GPATCH2: variants seen among roughly 807,000 people sequenced by gnomAD.
The protein encoded by GPATCH2 is G-patch domain containing 2, also known as G patch domain-containing protein 2.
A neutral mutation model predicts 58.0 loss-of-function variants in GPATCH2; 51 were observed. That is an observed-to-expected ratio of 0.88 (90% CI 0.70 to 1.11). The LOEUF is 1.11. Ranked by LOEUF, GPATCH2 falls within the 50% of genes most tolerant of loss-of-function variation. The pLI, the probability that GPATCH2 is intolerant of heterozygous loss-of-function variation, is 0.00. For synonymous variants in GPATCH2, 222 were observed against 218.5 expected, an observed-to-expected ratio of 1.02 and a Z score of -0.14; for missense variants, 625 against 652.2, an observed-to-expected ratio of 0.96 and a Z score of 0.45.
intron 6 of GPATCH2, among the ~76,000 whole-genome samples, chr1:217,499,413 A>G (rs913424364): frequency 1.3e-5 from 2 of 152,154 alleles, no homozygotes; most frequent in Non-Finnish European, 2.9e-5. Flanking sequence ...CACGCTGCAG[A>G]AGGGCAAGGG....
intron 5 of GPATCH2, among the ~76,000 whole-genome samples, chr1:217,565,114 G>A (rs1666151947): frequency 6.6e-6 from 1 of 152,092 alleles, no homozygotes; most frequent in Admixed American, 6.6e-5. Context: ...TTTGACTAAT[G>A]ATTTATTATT....
At chr1:217,584,344 A>T (rs6679052) in intron 5 of GPATCH2, among the ~76,000 whole-genome samples, 1,161 of 101,800 alleles carry the variant, frequency 0.011, 17 homozygotes, top group African/African-American at 0.025. Flanking sequence ...AAAAAAAAAA[A>T]ATATATATAT....
chr1:217,504,708 A>C (rs982671686), intron 6 of GPATCH2, among the ~76,000 whole-genome samples: 1 of 152,192 alleles, frequency 6.6e-6, no homozygotes, highest in Non-Finnish European at 1.5e-5. Flanking sequence ...GTCTGATTCC[A>C]TATCTTGTAT....
chr1:217,595,181 A>G (rs1478725454), intron 5 of GPATCH2, among the ~76,000 whole-genome samples: 24 of 152,226 alleles, frequency 1.6e-4, no homozygotes, highest in Admixed American at 1.6e-3. Context: ...TATATATGAA[A>G]GGGGCTAATG....
At chr1:217,499,203 C>T (rs944994902) in intron 6 of GPATCH2, among the ~76,000 whole-genome samples, 7 of 152,118 alleles carry the variant, frequency 4.6e-5, no homozygotes, top group Non-Finnish European at 8.8e-5. Flanking sequence ...CCCACGATCA[C>T]AGGGAATGAT....
intron 1 of GPATCH2, among the ~76,000 whole-genome samples, chr1:217,625,879 G>A (rs1009603103): frequency 1.1e-4 from 17 of 152,102 alleles, no homozygotes; most frequent in African/African-American, 4.1e-4. Flanking sequence ...AGCTACCCGG[G>A]AGGCTGAGGC....
chr1:217,494,451 G>T (rs575294318), intron 7 of GPATCH2, among the ~76,000 whole-genome samples: 1 of 152,264 alleles, frequency 6.6e-6, no homozygotes, highest in South Asian at 2.1e-4. Flanking sequence ...CATTTAGAAG[G>T]CTCCTGGCCA....
intron 1 of GPATCH2, among the ~76,000 whole-genome samples, chr1:217,624,694 A>G (rs1200397723): frequency 6.6e-6 from 1 of 152,262 alleles, no homozygotes; most frequent in Non-Finnish European, 1.5e-5. Context: ...ACCTGGAAAT[A>G]TAGCACTTTT....
intron 1 of GPATCH2, among the ~76,000 whole-genome samples, chr1:217,627,675 T>G (rs1297412196): frequency 6.6e-6 from 1 of 152,038 alleles, no homozygotes. Flanking sequence ...TTCTTTCCTC[T>G]TTACCATGGT....
chr1:217,552,612 G>T (rs1023242006), intron 5 of GPATCH2, among the ~76,000 whole-genome samples: 1 of 152,104 alleles, frequency 6.6e-6, no homozygotes, highest in African/African-American at 2.4e-5. Flanking sequence ...TCCAAAAATA[G>T]GTTGAAACTG....
chr1:217,542,822 T>C (rs1488479533), intron 5 of GPATCH2, among the ~76,000 whole-genome samples: 1 of 152,190 alleles, frequency 6.6e-6, no homozygotes, highest in Non-Finnish European at 1.5e-5. Context: ...GTTGACAAGA[T>C]ATTTTCTTCC....
chr1:217,534,314 T>G (rs1291505293), intron 5 of GPATCH2, among the ~76,000 whole-genome samples: 1 of 152,230 alleles, frequency 6.6e-6, no homozygotes, highest in African/African-American at 2.4e-5. Flanking sequence ...GCCACCCACA[T>G]TTTGAAGATT....
At chr1:217,460,632 T>C (rs530886470) in intron 8 of GPATCH2, among the ~76,000 whole-genome samples, 26 of 152,350 alleles carry the variant, frequency 1.7e-4, no homozygotes, top group African/African-American at 6.3e-4. Context: ...TTGGCACATA[T>C]GGAGCAGTGG....
rs1256318819 is a variant in GPATCH2 at position 217,524,087 on chromosome 1, C to G, written c.1099-9198G>C. Among the ~76,000 whole-genome samples the G allele has an allele frequency of 3.7e-4, 55 of 150,222 alleles. 1 individual carries two copies. Among genetic ancestry groups the G allele is most frequent in the African/African-American group, 1.3e-3 (53 of 40,540 alleles). On this transcript the variant is annotated intron_variant, in intron 5 of 9. Coordinates refer to ENST00000366935, the MANE Select transcript of GPATCH2 (RefSeq NM_018040.5). ...TGGCCAGGCGGGGGGCTGACCCCCC[C>G]ACCTCCCTCCCAGACGGGGTGGCTG...
At position 217,630,133 on chromosome 1, in the gene GPATCH2, A is replaced by C. The variant is rs530166132; in HGVS notation, c.56+783T>G. 3.3e-4 allele frequency among the ~76,000 whole-genome samples: 50 copies of C among 152,308 alleles called. 2 individuals carry two copies. The highest frequency in any genetic ancestry group is 1.0e-3 in the African/African-American group (43 of 41,566). On this transcript the variant is annotated intron_variant, in intron 1 of 9. Coordinates refer to ENST00000366935, the MANE Select transcript of GPATCH2 (RefSeq NM_018040.5). ...GCTTGGGAGAAAAACAGGACAGATA[A>C]TACAGAGTGTTCAACTAGAAATCCC... is the stretch of plus-strand genomic sequence containing the variant.
chr1:217,495,314 T>C (rs1270884694), intron 7 of GPATCH2, among the ~76,000 whole-genome samples: 1 of 152,140 alleles, frequency 6.6e-6, no homozygotes, highest in African/African-American at 2.4e-5. Context: ...AGAATTCTCA[T>C]TCCCCACCAA....
In GPATCH2 at chr1:217,604,929, G is replaced by T. The variant is rs376069949; in HGVS notation, c.1098+5392C>A. On this transcript the variant is annotated intron_variant, in intron 5 of 9. Transcript: ENST00000366935. The stretch of plus-strand genomic sequence containing the variant: ...AGTCCCAGCTACTGGGGAGGCTGAG[G>T]CAGGAGAATCGCCTGACCCTGGGAG... 5.5e-4 allele frequency among the ~76,000 whole-genome samples: 83 copies of T among 152,282 alleles called. 1 individual carries two copies. Among genetic ancestry groups the T allele is most frequent in the African/African-American group, 1.8e-3 (73 of 41,562 alleles).
chr1:217,614,297 T>C (rs1668778076), intron 2 of GPATCH2, 95 bp from the exon 3 acceptor site: 1 of 714,576 alleles, frequency 1.4e-6, no homozygotes, highest in Non-Finnish European at 2.5e-6. Flanking sequence ...AGATGGAACT[T>C]AAGCCTGACA....
chr1:217,541,438 C>T (rs1374801990), intron 5 of GPATCH2, among the ~76,000 whole-genome samples: 5 of 152,090 alleles, frequency 3.3e-5, no homozygotes, highest in Admixed American at 2.0e-4. Context: ...TCTCCCCCTG[C>T]AGTTTCATAT....
Sources: gnomAD v4.1 joint callset for allele counts (sites outside exome capture counted in the v4.1 genomes callset) on GRCh38, gnomAD v4.1.1 for gene constraint, MANE v1.5 for transcripts, NCBI Gene and HGNC (gene_info 2026-07-23, HGNC 2026-07-21) for gene names.